Variants in PKHD1 observed in about 807,000 individuals in gnomAD.
The protein encoded by PKHD1 is fibrocystin.
PKHD1 carries 291 observed loss-of-function variants against 412.0 expected under a neutral mutation model. The observed-to-expected ratio is 0.71, with a 90% CI of 0.64 to 0.78. The LOEUF (loss-of-function observed/expected upper bound fraction) is 0.78, where lower values mean the gene tolerates loss of function less well. PKHD1 is among the 30% of genes least tolerant of loss of function. The pLI is 0.00. For missense variants in PKHD1, 4,825 were observed against 4,950.7 expected, an observed-to-expected ratio of 0.97 and a Z score of 0.76; for synonymous variants, 1,777 against 1,821.5, an observed-to-expected ratio of 0.98 and a Z score of 0.62.
chr6:51,868,090 G>A lies in PKHD1; in HGVS notation c.7506C>T (p.Thr2502=), dbSNP rs1291146720. Reference sequence around the variant, plus strand: ...AAGAGTTTGTAAACTTCAACTGGCTGGTCTTCACAGTAAATCCACCTATAA... The same window carrying A: ...AAGAGTTTGTAAACTTCAACTGGCTAGTCTTCACAGTAAATCCACCTATAA... ...SQGQGGFTVK[T]SQLKFTNSSN... Residue 2502 remains threonine, a synonymous_variant, in exon 48 of 67, where the codon ACC becomes ACT. Coordinates refer to ENST00000371117, the MANE Select transcript of PKHD1 (RefSeq NM_138694.4). 2 of 1,611,400 alleles carry A rather than the reference G, an allele frequency of 1.2e-6. No individual in the cohort carries two copies. The highest frequency in any genetic ancestry group is 1.7e-5 in the Admixed American group (1 of 59,894).
chr6:51,825,825 C>T (rs1037189321), intron 52 of PKHD1, among the ~76,000 whole-genome samples: 1 of 152,092 alleles, frequency 6.6e-6, no homozygotes, highest in Non-Finnish European at 1.5e-5. Context: ...GTAGCTGAAG[C>T]CCAAATTTCT....
chr6:51,637,531 T>C (rs547311031), intron 64 of PKHD1, among the ~76,000 whole-genome samples: 19 of 151,956 alleles, frequency 1.3e-4, no homozygotes, highest in African/African-American at 3.1e-4. Flanking sequence ...CTGGTTTAAA[T>C]AGCATTTAAG....
At chr6:51,685,178 G>A (rs1053965863) in intron 60 of PKHD1, among the ~76,000 whole-genome samples, 1 of 152,068 alleles carries the variant, frequency 6.6e-6, no homozygotes, top group Non-Finnish European at 1.5e-5. Flanking sequence ...AATTCTTTGA[G>A]GCCATTCAAA....
At chr6:51,788,942 C>T (rs1271320632) in intron 53 of PKHD1, among the ~76,000 whole-genome samples, 1 of 152,168 alleles carries the variant, frequency 6.6e-6, no homozygotes, top group African/African-American at 2.4e-5. Context: ...CAGAGGTTGA[C>T]TTGCTTAAGG....
chr6:52,047,236 C>A (rs1245973316), intron 23 of PKHD1, among the ~76,000 whole-genome samples: 2 of 152,134 alleles, frequency 1.3e-5, no homozygotes, highest in African/African-American at 4.8e-5. Context: ...CAGTAATGAG[C>A]CTCATAGAGG....
chr6:51,928,710 T>C (rs1786091528), intron 37 of PKHD1, among the ~76,000 whole-genome samples: 1 of 152,052 alleles, frequency 6.6e-6, no homozygotes, highest in Non-Finnish European at 1.5e-5. Context: ...AAAGTCCACA[T>C]GAAATCAGGA....
At chr6:51,728,286 T>G (rs1782827068) in intron 60 of PKHD1, among the ~76,000 whole-genome samples, 1 of 152,120 alleles carries the variant, frequency 6.6e-6, no homozygotes, top group East Asian at 1.9e-4. Flanking sequence ...GCATCCCCTT[T>G]GCCAAATAGG....
At chr6:51,904,704 CTT>C (rs1781810956) in intron 41 of PKHD1, among the ~76,000 whole-genome samples, 1 of 152,134 alleles carries the variant, frequency 6.6e-6, no homozygotes, top group Non-Finnish European at 1.5e-5. Context: ...ATGTCAAAAT[CTT>C]ATAATTCACA....
rs144251067 is a variant in PKHD1, at chr6:51,644,240, AC to A, written c.11398+3790del. On this transcript the variant is annotated intron_variant, in intron 63 of 66. Coordinates refer to ENST00000371117, the MANE Select transcript of PKHD1 (RefSeq NM_138694.4). Reference sequence around the variant, plus strand: ...GAGATCTGAGATTAATTCATTGAAAACAACATCAAATGATTATTCATTAACT... The same window carrying A: ...GAGATCTGAGATTAATTCATTGAAAAAACATCAAATGATTATTCATTAACT... 1.3e-4 allele frequency among the ~76,000 whole-genome samples: 20 copies of A among 152,316 alleles called. No individual in the cohort carries two copies. In the East Asian group the frequency reaches 3.7e-3, roughly 28 times the overall value.
At chr6:51,802,817 A>C (rs1217427531) in intron 52 of PKHD1, among the ~76,000 whole-genome samples, 1 of 151,056 alleles carries the variant, frequency 6.6e-6, no homozygotes, top group African/African-American at 2.5e-5. Context: ...GACACTAGAC[A>C]GGGCAATATA....
chr6:51,775,753 A>G, intron 54 of PKHD1, 55 bp downstream of exon 54: 1 of 853,604 alleles, frequency 1.2e-6, no homozygotes. Context: ...AGACACAAGC[A>G]CACAATACAC....
chr6:52,068,504 ATTAGAACTACACAT>A (rs1298580386), intron 11 of PKHD1, among the ~76,000 whole-genome samples: 7 of 152,244 alleles, frequency 4.6e-5, no homozygotes, highest in Admixed American at 3.9e-4. Flanking sequence ...AAGATTTGGA[ATTAGAACTACACAT>A]TCTAGCTCTA....
intron 52 of PKHD1, 57 bp from the exon 53 acceptor site, chr6:51,791,430 A>T: frequency 6.4e-7 from 1 of 1,554,924 alleles, no homozygotes; most frequent in Non-Finnish European, 8.9e-7. Flanking sequence ...TTACGTGTTT[A>T]TTCTGGGGTT....
At chr6:51,748,738 C>A in intron 57 of PKHD1, 73 bp from the exon 58 acceptor site, 1 of 1,230,806 alleles carries the variant, frequency 8.1e-7, no homozygotes, top group Non-Finnish European at 1.2e-6. Context: ...CATTTTGGGG[C>A]ATTAAGATAT....
chr6:51,772,349 T>C (rs146881066), intron 55 of PKHD1, among the ~76,000 whole-genome samples: 127 of 152,094 alleles, frequency 8.4e-4, no homozygotes, highest in African/African-American at 3.0e-3. Context: ...TCTGTCTATA[T>C]CTTAATGAGG....
chr6:51,954,140 A>T (rs1790777181), intron 36 of PKHD1, among the ~76,000 whole-genome samples: 1 of 152,082 alleles, frequency 6.6e-6, no homozygotes, highest in African/African-American at 2.4e-5. Flanking sequence ...AAGTAACAAA[A>T]ACTAGCATTA....
chr6:52,046,304 C>A (rs1321758163), intron 23 of PKHD1, 116 bp from the exon 24 acceptor site: 5 of 850,484 alleles, frequency 5.9e-6, no homozygotes, highest in Non-Finnish European at 1.0e-5. Flanking sequence ...TTTCAGGAGA[C>A]CCTTCTGTCA....
At position 52,043,044 on chromosome 6, in the gene PKHD1, C is replaced by T; in HGVS notation, c.2912G>A (p.Cys971Tyr). 1 of 1,614,042 alleles carries T rather than the reference C, an allele frequency of 6.2e-7. No homozygotes were observed. Among genetic ancestry groups the T allele is most frequent in the South Asian group, 1.1e-5 (1 of 91,086 alleles). The change falls in exon 27 of 67, where the codon TGC becomes TAC. Residue 971 changes from cysteine to tyrosine, a missense_variant. Transcript: ENST00000371117. ...FLQVTVNKTS[C>Y]KVIFSNQTNV... ...GGTCTGGTTTGAGAAAATAACTTTG[C>T]AACTCGTTTTGTTCACTGTAACCTG...
At chr6:51,758,466 T>C (rs1787435228) in intron 55 of PKHD1, among the ~76,000 whole-genome samples, 1 of 152,156 alleles carries the variant, frequency 6.6e-6, no homozygotes, top group Admixed American at 6.6e-5. Context: ...CCTTCAATCA[T>C]ACGAACTAGC....
Sources: gnomAD v4.1 joint callset for allele counts (sites outside exome capture counted in the v4.1 genomes callset) on GRCh38, gnomAD v4.1.1 for gene constraint, MANE v1.5 for transcripts, NCBI Gene and HGNC (gene_info 2026-07-23, HGNC 2026-07-21) for gene names.